Variants in TRABD2B observed in about 807,000 individuals in gnomAD.
TRABD2B encodes TraB domain containing 2B.
Under a neutral mutation model 40.1 loss-of-function variants are expected in TRABD2B, and 14 were observed. That is an observed-to-expected ratio of 0.35 (90% CI 0.23 to 0.55). The LOEUF (loss-of-function observed/expected upper bound fraction) is 0.55. Among genes scored for constraint, TRABD2B ranks in the 20% least tolerant of loss-of-function variants. The pLI, the probability that TRABD2B is intolerant of heterozygous loss-of-function variation, is 0.90. For missense variants in TRABD2B, 541 were observed against 648.6 expected (o/e 0.83, Z 1.80); for synonymous variants, 263 against 277.0 (o/e 0.95, Z 0.50).
Position 47,762,322 on chromosome 1 carries a change from C to T in TRABD2B, c.*3580G>A, listed in dbSNP as rs563822285. The T allele has an allele frequency of 3.9e-5, 6 of 152,320 alleles. No homozygotes were observed. The highest frequency in any genetic ancestry group is 8.8e-5 in the Non-Finnish European group (6 of 68,040). 9.4% of individuals were successfully genotyped at this position (152,320 alleles called of 1,614,324 possible). A position where few individuals can be genotyped will look rare whatever the true frequency, so the allele number is the denominator to read the frequency against. ...TGAGGCTGAGGACTCTGGTTCTTAT[C>T]TCACAGTCACTGAAAAACTATCACC... On this transcript the variant is annotated 3_prime_UTR_variant, in exon 7 of 7. Transcript: ENST00000606738.
At chr1:47,937,409 T>C (rs1221973967) in intron 2 of TRABD2B, among the ~76,000 whole-genome samples, 1 of 146,296 alleles carries the variant, frequency 6.8e-6, no homozygotes, top group Non-Finnish European at 1.5e-5. Flanking sequence ...CCATCATCAC[T>C]ACTACCATCA....
chr1:47,994,254 T>A lies in TRABD2B; in HGVS notation c.446A>T (p.Tyr149Phe). ...AQRGKGLYADYLFNAIAGNWE... is the reference protein window; with the variant it reads ...AQRGKGLYADFLFNAIAGNWE... ...GTTGCCCGCGATGGCATTGAATAGG[T>A]AGTCAGCATAGAGCCCCTTGCCCCG... Residue 149 changes from tyrosine (Y) to phenylalanine (F), a missense_variant, in exon 2 of 7, where the codon TAC becomes TTC. By Grantham distance (22) the Tyr-to-Phe change is conservative. Coordinates refer to ENST00000606738, the MANE Select transcript of TRABD2B (RefSeq NM_001194986.2). This position sits in a 1 kb window ranked among gnomAD's most constrained non-coding sequence, Gnocchi z 6.7. The A allele has an allele frequency of 6.5e-7, 1 of 1,538,468 alleles. No individual in the cohort carries two copies. The highest frequency in any genetic ancestry group is 8.7e-7 in the Non-Finnish European group (1 of 1,147,660).
At chr1:47,901,367 G>T (rs1453121959) in intron 2 of TRABD2B, among the ~76,000 whole-genome samples, 1 of 152,234 alleles carries the variant, frequency 6.6e-6, no homozygotes, top group Non-Finnish European at 1.5e-5. Context: ...TCCACAAGAA[G>T]CAGAGTCTCC....
intron 2 of TRABD2B, among the ~76,000 whole-genome samples, chr1:47,965,194 CGGGGGGCGGGGGGGGGTGGAGGGGGGGGT>C (rs2148412359): frequency 8.6e-5 from 1 of 11,660 alleles, no homozygotes; most frequent in South Asian, 1.9e-3. Flanking sequence ...TCAGATTTGG[CGGGGGGCGGGGGGGGGTGGAGGGGGGGGT>C]GGGGGGGGTG....
chr1:47,858,660 A>G (rs1342028852), intron 2 of TRABD2B, among the ~76,000 whole-genome samples: 1 of 152,236 alleles, frequency 6.6e-6, no homozygotes, highest in Non-Finnish European at 1.5e-5. Context: ...AGTTTCCCAC[A>G]GCTTACAAGT....
chr1:47,790,576 T>C (rs1644657674), intron 4 of TRABD2B, among the ~76,000 whole-genome samples: 1 of 152,208 alleles, frequency 6.6e-6, no homozygotes, highest in African/African-American at 2.4e-5. Flanking sequence ...CAGGCACTCG[T>C]TTCCACAAAA....
chr1:47,765,823 A>T lies in TRABD2B; in HGVS notation c.*79T>A, dbSNP rs1180197012. ...CCTCGACGTGTTGGGCACCCCCTGGAGGTGGTGGCAGGAGCAGTTGGGTGT... is the reference window on the plus strand; with the variant it reads ...CCTCGACGTGTTGGGCACCCCCTGGTGGTGGTGGCAGGAGCAGTTGGGTGT... On this transcript the variant is annotated 3_prime_UTR_variant, in exon 7 of 7. Coordinates refer to ENST00000606738, the MANE Select transcript of TRABD2B (RefSeq NM_001194986.2). 6 of 702,504 alleles carry T rather than the reference A, an allele frequency of 8.5e-6. No individual in the cohort carries two copies. The Admixed American group carries it at 1.2e-4, about 14-fold the overall frequency. 43.5% of individuals were successfully genotyped at this position (702,504 alleles called of 1,614,324 possible). A position where few individuals can be genotyped will look rare whatever the true frequency, so the allele number is the denominator to read the frequency against.
chr1:47,951,996 C>T (rs1344960474), intron 2 of TRABD2B, among the ~76,000 whole-genome samples: 1 of 152,188 alleles, frequency 6.6e-6, no homozygotes, highest in Admixed American at 6.5e-5. Flanking sequence ...GAGTTCTGAC[C>T]CCTGCATCGC....
In TRABD2B at chr1:47,994,159, G is replaced by A. The variant is rs1469719944; in HGVS notation, c.541C>T (p.Arg181Cys). ...NSLTERDVRF[R>C]GVPVLDLYLA... ...TAGAGGTCGAGCACGGGCACACCAC[G>A]GAAGCGCACGTCCCTCTCTGTGAGC... is the stretch of plus-strand genomic sequence containing the variant. Residue 181 changes from arginine to cysteine, a missense_variant, in exon 2 of 7, where the codon CGT (arginine) becomes TGT (cysteine). Physicochemically the swap from Arg to Cys is radical, Grantham distance 180 (BLOSUM62 -3). Transcript: ENST00000606738. The surrounding 1 kb of genome is among the most constrained non-coding windows in gnomAD (Gnocchi z 6.7). The A allele has an allele frequency of 2.6e-6, 4 of 1,536,554 alleles. No homozygotes were observed. Among genetic ancestry groups the A allele is most frequent in the Admixed American group, 2.0e-5 (1 of 51,006 alleles).
chr1:47,820,458 C>T (rs904302111), intron 2 of TRABD2B, among the ~76,000 whole-genome samples: 3 of 152,210 alleles, frequency 2.0e-5, no homozygotes, highest in African/African-American at 4.8e-5. Flanking sequence ...CATGTTTAGA[C>T]AGACCGTGGG....
chr1:47,857,585 A>G (rs1403855701), intron 2 of TRABD2B, among the ~76,000 whole-genome samples: 1 of 151,992 alleles, frequency 6.6e-6, no homozygotes, highest in Non-Finnish European at 1.5e-5. Context: ...CTGTCTGTTC[A>G]CTTGTCTGTC....
intron 2 of TRABD2B, among the ~76,000 whole-genome samples, chr1:47,928,954 T>G (rs1223516794): frequency 6.6e-6 from 1 of 152,252 alleles, no homozygotes; most frequent in African/African-American, 2.4e-5. Context: ...CTTACAAGAC[T>G]ATCTACCTCT....
intron 2 of TRABD2B, among the ~76,000 whole-genome samples, chr1:47,990,273 C>T (rs1645981557): frequency 6.6e-6 from 1 of 152,114 alleles, no homozygotes; most frequent in Non-Finnish European, 1.5e-5. Flanking sequence ...CCAGTGTCTC[C>T]GACTCTGCCA....
intron 6 of TRABD2B, among the ~76,000 whole-genome samples, chr1:47,766,418 T>C (rs1644303991): frequency 6.6e-6 from 1 of 151,962 alleles, no homozygotes; most frequent in Non-Finnish European, 1.5e-5. Flanking sequence ...GAATAGTGTT[T>C]TGGGGAGATA....
intron 2 of TRABD2B, among the ~76,000 whole-genome samples, chr1:47,907,347 T>C (rs899564680): frequency 6.6e-5 from 10 of 152,204 alleles, no homozygotes; most frequent in Admixed American, 3.3e-4. Context: ...GAGATATTAA[T>C]GCAAGAACAG....
chr1:47,956,119 G>A (rs1645417899), intron 2 of TRABD2B, among the ~76,000 whole-genome samples: 1 of 152,160 alleles, frequency 6.6e-6, no homozygotes, highest in Non-Finnish European at 1.5e-5. Context: ...ACAACAAGGA[G>A]GAAGCTGCTG....
intron 2 of TRABD2B, among the ~76,000 whole-genome samples, chr1:47,899,648 GAA>G (rs1232799086): frequency 1.3e-5 from 2 of 152,174 alleles, no homozygotes; most frequent in Non-Finnish European, 2.9e-5. Context: ...TTTTGAAGAA[GAA>G]AAAGGATTTT....
Position 47,994,330 on chromosome 1 carries a change from G to A in TRABD2B, c.370C>T (p.His124Tyr). 6.5e-7 allele frequency: 1 copy of A among 1,536,280 alleles called. No homozygotes were observed. The highest frequency in any genetic ancestry group is 8.7e-7 in the Non-Finnish European group (1 of 1,146,946). Reference protein sequence around the residue: ...PHELYWRLKRHLDYVKLMMPS... With the variant: ...PHELYWRLKRYLDYVKLMMPS... The stretch of plus-strand genomic sequence containing the variant: ...ATCATCAACTTCACGTAGTCCAGGT[G>A]GCGCTTCAAGCGCCAGTAAAGCTCG... The change falls in exon 2 of 7, where the codon CAC becomes TAC. Residue 124 changes from histidine to tyrosine, a missense_variant. Physicochemically the swap from His to Tyr is moderately conservative, Grantham distance 83. Coordinates refer to ENST00000606738, the MANE Select transcript of TRABD2B (RefSeq NM_001194986.2). This position sits in a 1 kb window ranked among gnomAD's most constrained non-coding sequence, Gnocchi z 6.7.
rs1483231125 is a variant in TRABD2B at position 47,997,297 on chromosome 1, C to T, written c.-508G>A. 3.0e-4 allele frequency: 263 copies of T among 879,184 alleles called. 1 individual carries two copies. Among genetic ancestry groups the T allele is most frequent in the Non-Finnish European group, 3.5e-4 (256 of 735,910 alleles). 54.5% of individuals were successfully genotyped at this position (879,184 alleles called of 1,614,324 possible). A position where few individuals can be genotyped will look rare whatever the true frequency, so the allele number is the denominator to read the frequency against. On this transcript the variant is annotated 5_prime_UTR_variant, in exon 1 of 7. Coordinates refer to ENST00000606738, the MANE Select transcript of TRABD2B (RefSeq NM_001194986.2). ...CGGCTCTGGGGCGACCGGCTGCCCC[C>T]GAGCCCGGCTCAGAGGGGCGGCGGG... is the stretch of plus-strand genomic sequence containing the variant.
Sources: gnomAD v4.1 joint callset for allele counts (sites outside exome capture counted in the v4.1 genomes callset) on GRCh38, gnomAD v4.1.1 for gene constraint, Gnocchi (gnomAD v3.1) non-coding constraint, MANE v1.5 for transcripts, NCBI Gene and HGNC (gene_info 2026-07-23, HGNC 2026-07-21) for gene names.